Variants in MACF1 observed in about 807,000 individuals in gnomAD.
The protein encoded by MACF1 is microtubule actin crosslinking factor 1.
A neutral mutation model predicts 854.8 loss-of-function variants in MACF1; 193 were observed. The ratio of observed to expected loss-of-function variants is 0.23; its 90% CI spans 0.20 to 0.25. MACF1 has a LOEUF of 0.25. Among genes scored for constraint, MACF1 ranks in the 10% least tolerant of loss-of-function variants. The pLI is 1.00. For missense variants in MACF1, 7,722 were observed against 8,929.1 expected (o/e 0.86, Z 5.45); for synonymous variants, 3,185 against 3,226.7 (o/e 0.99, Z 0.44).
chr1:39,202,311 C>G (rs921946732), upstream of MACF1, among the ~76,000 whole-genome samples: 11 of 150,066 alleles, frequency 7.3e-5, no homozygotes, highest in Non-Finnish European at 1.3e-4. Flanking sequence ...GACGAGCCTT[C>G]TCTGACCATC....
In MACF1 at chr1:39,453,862, G is replaced by T. The variant is rs1181221367; in HGVS notation, c.20886+12G>T. On this transcript the variant is annotated intron_variant, in intron 88 of 100. Transcript: ENST00000564288. ...CTCGCTTCGAGGAGGTGAGTCCCTG[G>T]TTCAGAGGAGGACTGCACACGCCCA... 38 of 1,614,126 alleles carry T rather than the reference G, an allele frequency of 2.4e-5. No individual in the cohort carries two copies. The highest frequency in any genetic ancestry group is 3.1e-5 in the Non-Finnish European group (36 of 1,179,986).
intron 1 of MACF1, among the ~76,000 whole-genome samples, chr1:39,219,159 T>C (rs187677699): frequency 6.6e-6 from 1 of 152,346 alleles, no homozygotes; most frequent in African/African-American, 2.4e-5. Flanking sequence ...TCAATCCTCA[T>C]TGGTACTTTC....
At position 39,439,354 on chromosome 1, in the gene MACF1, C is replaced by T; in HGVS notation, c.18301C>T (p.Leu6101Phe). ...ARAEEREIKF[L>F]DVLELAEKFW... Reference sequence around the variant, plus strand: ...GGCTGAAGAACGAGAAATCAAATTTCTTGATGTCCTTGAATTAGCAGAGAA... The same window carrying T: ...GGCTGAAGAACGAGAAATCAAATTTTTTGATGTCCTTGAATTAGCAGAGAA... Residue 6101 changes from leucine to phenylalanine, a missense_variant, in exon 72 of 101, where the codon CTT (leucine) becomes TTT (phenylalanine). Transcript: ENST00000564288. 11 of 1,614,058 alleles carry T rather than the reference C, an allele frequency of 6.8e-6. No homozygotes were observed. The highest frequency in any genetic ancestry group is 1.7e-5 in the Admixed American group (1 of 60,012).
chr1:39,469,370 A>G (rs569956290), intron 96 of MACF1, among the ~76,000 whole-genome samples, 177 bp from the exon 97 acceptor site: 3 of 152,180 alleles, frequency 2.0e-5, no homozygotes, highest in Non-Finnish European at 4.4e-5. Context: ...CAGGGAAGAG[A>G]TGACCGGTTC....
intron 2 of MACF1, among the ~76,000 whole-genome samples, chr1:39,156,746 A>G (rs940611881): frequency 1.3e-5 from 2 of 152,128 alleles, no homozygotes; most frequent in Admixed American, 6.6e-5. Flanking sequence ...ACTATATCCT[A>G]CTGTCTAATT....
At position 39,486,467 on chromosome 1, in the gene MACF1, A is replaced by G. The variant is rs1197925557; in HGVS notation, c.*673A>G. On this transcript the variant is annotated 3_prime_UTR_variant, in exon 101 of 101. Transcript: ENST00000564288. ...AATTCAGGGGTAAATGTAAGTGTTC[A>G]GAAAACGTCAGAACATTTGGGGTTT... The G allele has an allele frequency of 6.5e-6, 1 of 152,680 alleles. No individual in the cohort carries two copies. Among genetic ancestry groups the G allele is most frequent in the Non-Finnish European group, 1.5e-5 (1 of 68,050 alleles). The allele number at this position is 152,680 out of a possible 1,614,324, so 9.5% of individuals were successfully genotyped here. A position where few individuals can be genotyped will look rare whatever the true frequency, so the allele number is the denominator to read the frequency against.
At position 39,486,224 on chromosome 1, in the gene MACF1, T is replaced by A. The variant is rs1645099265; in HGVS notation, c.*430T>A. On this transcript the variant is annotated 3_prime_UTR_variant, in exon 101 of 101. Transcript: ENST00000564288. ...TATTAAAAAAATAAGAATCCTGCAG[T>A]GTTTAAGGAACTCTTTTTTTGTAAA... is the stretch of plus-strand genomic sequence containing the variant. 2 of 153,186 alleles carry A rather than the reference T, an allele frequency of 1.3e-5. No homozygotes were observed. The highest frequency in any genetic ancestry group is 2.9e-5 in the Non-Finnish European group (2 of 68,460). 9.5% of individuals were successfully genotyped at this position (153,186 alleles called of 1,614,324 possible).
In MACF1 at chr1:39,302,826, T is replaced by C. The variant is rs960251160; in HGVS notation, c.2635-98T>C. The C allele has an allele frequency of 2.5e-6, 3 of 1,216,782 alleles. No individual in the cohort carries two copies. In the South Asian group the frequency reaches 4.8e-5, roughly 19 times the overall value. 75.4% of individuals were successfully genotyped at this position (1,216,782 alleles called of 1,614,324 possible). A position where few individuals can be genotyped will look rare whatever the true frequency, so the allele number is the denominator to read the frequency against. The stretch of plus-strand genomic sequence containing the variant: ...ATAGCAGATCTTTTCTTAAGCAGAT[T>C]TTTTTCTTAAGGATTTGATAGCTTT... On this transcript the variant is annotated intron_variant, in intron 22 of 100. Coordinates refer to ENST00000564288, the MANE Select transcript of MACF1 (RefSeq NM_001394062.1).
chr1:39,198,793 A>G (rs999009206), intron 2 of MACF1, among the ~76,000 whole-genome samples: 3 of 147,568 alleles, frequency 2.0e-5, no homozygotes, highest in Non-Finnish European at 4.5e-5. Context: ...TGCACTCTCC[A>G]GCCTAGGCAA....
intron 22 of MACF1, 136 bp downstream of exon 22, chr1:39,300,498 C>G: frequency 1.2e-6 from 1 of 825,170 alleles, no homozygotes; most frequent in Non-Finnish European, 1.7e-6. Flanking sequence ...TGAAGTCTCT[C>G]CTATCATTTA....
chr1:39,233,771 A>T (rs2148308342), intron 2 of MACF1, among the ~76,000 whole-genome samples: 1 of 87,620 alleles, frequency 1.1e-5, no homozygotes, highest in Non-Finnish European at 2.5e-5. Context: ...TTACCTAGCC[A>T]TAGCTTTTTT....
At chr1:39,415,998 G>A (rs1643292384) in intron 58 of MACF1, among the ~76,000 whole-genome samples, 1 of 152,132 alleles carries the variant, frequency 6.6e-6, no homozygotes, top group African/African-American at 2.4e-5. Context: ...AGAAAGATGG[G>A]TTTTCTCATT....
At chr1:39,227,010 C>T (rs1161948440) in intron 1 of MACF1, among the ~76,000 whole-genome samples, 1 of 152,112 alleles carries the variant, frequency 6.6e-6, no homozygotes, top group African/African-American at 2.4e-5. Flanking sequence ...GATTTTTCCA[C>T]CCTGCCTTCT....
At chr1:39,175,135 C>T (rs1490215986) in intron 2 of MACF1, among the ~76,000 whole-genome samples, 3 of 152,084 alleles carry the variant, frequency 2.0e-5, no homozygotes, top group Non-Finnish European at 4.4e-5. Context: ...CCACCTTGCT[C>T]CATCCTCTCT....
At chr1:39,485,511 G>A in intron 100 of MACF1, 27 bp from the exon 101 acceptor site, 11 of 1,585,946 alleles carry the variant, frequency 6.9e-6, no homozygotes, top group Non-Finnish European at 8.6e-6. Flanking sequence ...TCTCTATTAA[G>A]TCTGCTGTTT....
rs544033336 is a variant in MACF1, at chr1:39,370,134, C to T, written c.13043C>T (p.Thr4348Met). The change falls in exon 51 of 101, where the codon ACG becomes ATG. Residue 4348 changes from threonine to methionine, a missense_variant. By Grantham distance (81) the Thr-to-Met change is moderately conservative. This residue lies in a region of MACF1 where 2,807 missense variants were observed against 3,235.8 expected (regional missense o/e 0.87). Coordinates refer to ENST00000564288, the MANE Select transcript of MACF1 (RefSeq NM_001394062.1). ...GAAACTGAAGGGAGTATTCCACCTA[C>T]GGAAACTTCTATGAGTGCTAAAGAG... The part of the protein sequence containing the change: ...LKETEGSIPP[T>M]ETSMSAKELE... 31 of 1,613,982 alleles carry T rather than the reference C, an allele frequency of 1.9e-5. No homozygotes were observed. The highest frequency in any genetic ancestry group is 1.9e-4 in the South Asian group (17 of 91,064).
At chr1:39,281,929 C>T (rs1237911296) in intron 6 of MACF1, among the ~76,000 whole-genome samples, 2 of 152,096 alleles carry the variant, frequency 1.3e-5, no homozygotes, top group Non-Finnish European at 1.5e-5. Flanking sequence ...TCACTAGTGG[C>T]GGTGTATGAT....
chr1:39,217,967 AG>A (rs1218516799), intron 1 of MACF1, among the ~76,000 whole-genome samples: 3 of 151,766 alleles, frequency 2.0e-5, no homozygotes, highest in Admixed American at 2.0e-4. Flanking sequence ...GCGGATCACG[AG>A]GTCAGGAGAT....
chr1:39,324,576 T>A, intron 34 of MACF1, 70 bp from the exon 35 acceptor site: 1 of 1,324,928 alleles, frequency 7.5e-7, no homozygotes, highest in Non-Finnish European at 1.0e-6. Context: ...TTTAAAAAAA[T>A]AATTTTAAAT....
Sources: allele counts gnomAD v4.1 joint callset (sites outside exome capture counted in the v4.1 genomes callset), GRCh38; gene constraint gnomAD v4.1.1; regional missense constraint gnomAD v4.1.1; transcripts MANE v1.5; gene names NCBI Gene and HGNC (gene_info 2026-07-23, HGNC 2026-07-21).